The following ANXA4 variants were observed in gnomAD, a reference collection of about 807,000 sequenced individuals.
ANXA4 encodes annexin A4.
Under a neutral mutation model 49.8 loss-of-function variants are expected in ANXA4, and 39 were observed. The ratio of observed to expected loss-of-function variants is 0.78; its 90% CI spans 0.61 to 1.02. The LOEUF (loss-of-function observed/expected upper bound fraction) is 1.02. Ranked by LOEUF, ANXA4 falls within the 50% of genes least tolerant of loss-of-function variation. The probability of loss-of-function intolerance (pLI) is 0.00; values close to 1 mark genes in which losing one functional copy is unlikely to be tolerated. For missense variants in ANXA4, 360 were observed against 410.1 expected (o/e 0.88, Z 1.05); for synonymous variants, 134 against 152.5 (o/e 0.88, Z 0.89).
At chr2:69,729,921 GAC>G (rs1467889514) in intron 3 of ANXA4, among the ~76,000 whole-genome samples, 1 of 152,210 alleles carries the variant, frequency 6.6e-6, no homozygotes, top group Non-Finnish European at 1.5e-5. Flanking sequence ...TTGCATAACA[GAC>G]AGTCTTGGAA....
chr2:69,744,430 G>A (rs1670531206), intron 1 of ANXA4, among the ~76,000 whole-genome samples: 1 of 152,198 alleles, frequency 6.6e-6, no homozygotes. Context: ...ATATTTTGAA[G>A]TAGAATCCAA....
chr2:69,668,896 T>A (rs1019838947), intron 2 of ANXA4, among the ~76,000 whole-genome samples: 1 of 152,062 alleles, frequency 6.6e-6, no homozygotes, highest in African/African-American at 2.4e-5. Context: ...AAATTAAAAT[T>A]ATTTATTTAA....
At chr2:69,669,565 C>A (rs56012956) in intron 2 of ANXA4, among the ~76,000 whole-genome samples, 18 of 151,478 alleles carry the variant, frequency 1.2e-4, no homozygotes, top group African/African-American at 4.4e-4. Flanking sequence ...GAGCCGAGAT[C>A]GCGCCACTGC....
intron 1 of ANXA4, among the ~76,000 whole-genome samples, chr2:69,780,447 C>T (rs979138271): frequency 6.6e-6 from 1 of 152,212 alleles, no homozygotes; most frequent in Admixed American, 6.5e-5. Context: ...CCACCTGCCT[C>T]AGCCTCCTAA....
At chr2:69,813,398 G>A (rs566815609) in intron 8 of ANXA4, among the ~76,000 whole-genome samples, 1 of 152,178 alleles carries the variant, frequency 6.6e-6, no homozygotes, top group East Asian at 1.9e-4. Flanking sequence ...ACAGGTGCCT[G>A]CCACCATACC....
intron 2 of ANXA4, among the ~76,000 whole-genome samples, chr2:69,656,377 G>GTGTATATATATGTGTATATATA (rs1438383110): frequency 7.1e-4 from 71 of 100,092 alleles, no homozygotes; most frequent in Admixed American, 1.9e-3. Context: ...GTGTATATAT[G>GTGTATATATATGTGTATATATA]TGTATATATA....
At chr2:69,644,165 T>TTCCCCCCCCCC (rs1553424953), upstream of ANXA4, among the ~76,000 whole-genome samples, 1 of 21,116 alleles carries the variant, frequency 4.7e-5, no homozygotes, top group Non-Finnish European at 1.3e-4. Flanking sequence ...ACAACTAAGT[T>TTCCCCCCCCCC]CCCCCCCCCC....
chr2:69,651,578 C>G (rs571102030), intron 1 of ANXA4, among the ~76,000 whole-genome samples: 62 of 145,292 alleles, frequency 4.3e-4, no homozygotes, highest in Middle Eastern at 4.5e-3. Flanking sequence ...TCTCGGCTCA[C>G]TGCAAGCTCC....
rs181753599 is a variant in ANXA4, at chr2:69,725,659, C to G, written n.864+4788C>G. On this transcript the variant is annotated intron_variant and non_coding_transcript_variant, in intron 3 of 3. Transcript: ENST00000418066. ...TCAATTCCCATGAGCTGAAGAGGCT[C>G]AAGGCTCAGAGAAGAGCAAACAGTG... Among the ~76,000 whole-genome samples, 429 of 152,182 alleles carry G rather than the reference C, an allele frequency of 2.8e-3. 2 individuals are homozygous for G. Among genetic ancestry groups the G allele is most frequent in the Middle Eastern group, 0.017 (5 of 292 alleles).
intron 3 of ANXA4, among the ~76,000 whole-genome samples, chr2:69,793,257 A>AAAAAAAAG (rs1672779201): frequency 1.3e-5 from 2 of 152,068 alleles, no homozygotes; most frequent in African/African-American, 4.8e-5. Context: ...TCTCAAAAAA[A>AAAAAAAAG]AAAAAGCAGT....
intron 2 of ANXA4, among the ~76,000 whole-genome samples, chr2:69,705,700 G>A (rs1188433327): frequency 1.3e-5 from 2 of 152,246 alleles, no homozygotes; most frequent in African/African-American, 4.8e-5. Context: ...GGGAGGCCAA[G>A]GCGGGTGGAT....
At chr2:69,768,569 G>A (rs1671585812) in intron 1 of ANXA4, among the ~76,000 whole-genome samples, 1 of 152,184 alleles carries the variant, frequency 6.6e-6, no homozygotes, top group South Asian at 2.1e-4. Context: ...AGGCGGAAAG[G>A]AAAGTGTGCC....
intron 4 of ANXA4, among the ~76,000 whole-genome samples, chr2:69,805,604 T>TAA (rs59230779): frequency 1.1e-4 from 14 of 126,416 alleles, no homozygotes; most frequent in African/African-American, 2.8e-4. Context: ...AGACTCCATC[T>TAA]AAAAAAAAAA....
At chr2:69,718,831 C>T (rs911419306) in intron 2 of ANXA4, among the ~76,000 whole-genome samples, 2 of 152,048 alleles carry the variant, frequency 1.3e-5, no homozygotes, top group Non-Finnish European at 2.9e-5. Context: ...CATGCACACA[C>T]ATATACATGC....
chr2:69,797,577 C>T (rs915817819), intron 3 of ANXA4, among the ~76,000 whole-genome samples: 2 of 152,190 alleles, frequency 1.3e-5, no homozygotes, highest in African/African-American at 4.8e-5. Flanking sequence ...CTATTATGGA[C>T]TGGACTAGAG....
chr2:69,797,691 G>C (rs34764641), intron 3 of ANXA4, among the ~76,000 whole-genome samples: 1 of 152,038 alleles, frequency 6.6e-6, no homozygotes, highest in Admixed American at 6.5e-5. Flanking sequence ...TTCAGAGAAC[G>C]TAAGGGTCAA....
chr2:69,814,342 C>CTTTTTTTTT (rs781253870), intron 8 of ANXA4, among the ~76,000 whole-genome samples: 14 of 97,292 alleles, frequency 1.4e-4, no homozygotes, highest in Non-Finnish European at 1.7e-4. Context: ...GTATTTTATT[C>CTTTTTTTTT]TTTTTTTTTT....
intron 1 of ANXA4, among the ~76,000 whole-genome samples, chr2:69,773,742 C>T (rs1026509469): frequency 1.4e-5 from 2 of 147,018 alleles, no homozygotes; most frequent in African/African-American, 5.0e-5. Context: ...AGCAATTCTA[C>T]TTCCTCAGCC....
chr2:69,671,025 CAAAAAAAAAA>C (rs762968256), intron 2 of ANXA4, among the ~76,000 whole-genome samples: 1 of 32,546 alleles, frequency 3.1e-5, no homozygotes, highest in Admixed American at 3.0e-4. Flanking sequence ...GACTCCATCT[CAAAAAAAAAA>C]AAAAAAAAAA....
Sources: allele counts gnomAD v4.1 joint callset (sites outside exome capture counted in the v4.1 genomes callset), GRCh38; gene constraint gnomAD v4.1.1; transcripts MANE v1.5; gene names NCBI Gene and HGNC (gene_info 2026-07-23, HGNC 2026-07-21).